The following ADAMTS2 variants were observed in gnomAD, a reference collection of about 807,000 sequenced individuals.
ADAMTS2 encodes A disintegrin and metalloproteinase with thrombospondin motifs 2.
In ADAMTS2, 50 loss-of-function variants were observed where a neutral mutation model predicts 123.0. The ratio of observed to expected loss-of-function variants is 0.41; its 90% confidence interval spans 0.32 to 0.51. The LOEUF is 0.51. Among genes scored for constraint, ADAMTS2 ranks in the 20% least tolerant of loss-of-function variants. The pLI is 0.35. For missense variants in ADAMTS2, 1,494 were observed against 1,705.2 expected, an observed-to-expected ratio of 0.88 and a Z score of 2.18; for synonymous variants, 678 against 695.4, an observed-to-expected ratio of 0.98 and a Z score of 0.39.
Position 179,295,916 on chromosome 5 carries a change from T to C in ADAMTS2, c.535-22852A>G, listed in dbSNP as rs111916091. Reference sequence around the variant, plus strand: ...GGAGGCGTGGAGACAGGTGGGGCTGTGGAAGGAGGCTGCCATGAGGAGGGA... The same window carrying C: ...GGAGGCGTGGAGACAGGTGGGGCTGCGGAAGGAGGCTGCCATGAGGAGGGA... On this transcript the variant is annotated intron_variant, in intron 2 of 21. Coordinates refer to ENST00000251582, the MANE Select transcript of ADAMTS2 (RefSeq NM_014244.5). Among the ~76,000 whole-genome samples, 253 of 152,184 alleles carry C rather than the reference T, an allele frequency of 1.7e-3. 1 individual carries two copies. The highest frequency in any genetic ancestry group is 5.6e-3 in the African/African-American group (233 of 41,532).
At chr5:179,311,785 C>G (rs574245154) in intron 2 of ADAMTS2, among the ~76,000 whole-genome samples, 6 of 152,302 alleles carry the variant, frequency 3.9e-5, no homozygotes, top group African/African-American at 1.2e-4. Flanking sequence ...TATCACCCCC[C>G]ACTCGCCCGT....
At chr5:179,114,439 G>A in intron 21 of ADAMTS2, 115 bp from the exon 22 acceptor site, 1 of 1,051,504 alleles carries the variant, frequency 9.5e-7, no homozygotes, top group Non-Finnish European at 1.4e-6. Flanking sequence ...ACAGCACAGA[G>A]GCAAGTGAGC....
rs991971128 is a variant in ADAMTS2 at position 179,331,655 on chromosome 5, G to A, written c.534+12112C>T. Among the ~76,000 whole-genome samples the A allele has an allele frequency of 2.6e-4, 40 of 151,768 alleles. 1 individual carries two copies. Among genetic ancestry groups the A allele is most frequent in the Admixed American group, 9.2e-4 (14 of 15,260 alleles). On this transcript the variant is annotated intron_variant, in intron 2 of 21. Transcript: ENST00000251582. Reference sequence around the variant, plus strand: ...CCCAGCACCAGGACCCAGCACAACCGTCCTATGACAGTTGTCTCTGCAGCT... The same window carrying A: ...CCCAGCACCAGGACCCAGCACAACCATCCTATGACAGTTGTCTCTGCAGCT...
Position 179,317,048 on chromosome 5 carries a change from G to C in ADAMTS2, c.534+26719C>G, listed in dbSNP as rs549283191. Among the ~76,000 whole-genome samples, 1 of 152,304 alleles carries C rather than the reference G, an allele frequency of 6.6e-6. No individual in the cohort carries two copies. The highest frequency in any genetic ancestry group is 2.1e-4 in the South Asian group (1 of 4,822). On this transcript the variant is annotated intron_variant, in intron 2 of 21. Transcript: ENST00000251582. This position sits in a 1 kb window ranked among gnomAD's most constrained non-coding sequence, Gnocchi z 4.9. ...ATAGGGAAAGAACAAAAGAAGGAAAGAAAGAAATTCCAGCTAATTCTCAGC... is the reference window on the plus strand; with the variant it reads ...ATAGGGAAAGAACAAAAGAAGGAAACAAAGAAATTCCAGCTAATTCTCAGC...
intron 2 of ADAMTS2, among the ~76,000 whole-genome samples, chr5:179,283,414 A>C (rs1157475392): frequency 6.6e-6 from 1 of 152,098 alleles, no homozygotes; most frequent in Non-Finnish European, 1.5e-5. Flanking sequence ...GTTACTGGTA[A>C]GTTTCTAAAA....
At chr5:179,319,999 C>G (rs1342712919) in intron 2 of ADAMTS2, among the ~76,000 whole-genome samples, 1 of 152,362 alleles carries the variant, frequency 6.6e-6, no homozygotes, top group East Asian at 1.9e-4. Context: ...TCCTGCTGCC[C>G]AGCCTGACGG....
chr5:179,326,634 A>G, intron 2 of ADAMTS2, among the ~76,000 whole-genome samples: 1 of 152,122 alleles, frequency 6.6e-6, no homozygotes, highest in Non-Finnish European at 1.5e-5. Flanking sequence ...TTGTAGTAAC[A>G]GGCCCTTCGC....
intron 4 of ADAMTS2, among the ~76,000 whole-genome samples, chr5:179,183,173 G>A (rs2113317014): frequency 6.6e-6 from 1 of 152,282 alleles, no homozygotes; most frequent in East Asian, 1.9e-4. Flanking sequence ...CAGCTTTGAG[G>A]GTCAGACTAG....
intron 5 of ADAMTS2, among the ~76,000 whole-genome samples, chr5:179,163,776 T>C (rs1490026048): frequency 6.6e-6 from 1 of 152,232 alleles, no homozygotes; most frequent in Non-Finnish European, 1.5e-5. Context: ...CCTCGCTTTG[T>C]TCTCGGCCCA....
Position 179,132,327 on chromosome 5 carries a change from A to C in ADAMTS2, c.2210-17T>G, listed in dbSNP as rs762942673. On this transcript the variant is annotated splice_polypyrimidine_tract_variant and intron_variant, in intron 14 of 21. Transcript: ENST00000251582. The surrounding 1 kb of genome is among the most constrained non-coding windows in gnomAD (Gnocchi z 6.1). ...TGATGTAACCTTTTTTTGATGTGGA[A>C]AGACACAGAAAACTGAGAAGGGAAG... 6.2e-7 allele frequency: 1 copy of C among 1,612,864 alleles called. No homozygotes were observed. Among genetic ancestry groups the C allele is most frequent in the Non-Finnish European group, 8.5e-7 (1 of 1,179,014 alleles).
intron 4 of ADAMTS2, among the ~76,000 whole-genome samples, chr5:179,194,947 C>T (rs1259807333): frequency 1.3e-5 from 2 of 152,220 alleles, no homozygotes; most frequent in Non-Finnish European, 2.9e-5. Context: ...GCCCCACAAG[C>T]TCCAGCAGGG....
Position 179,256,308 on chromosome 5 carries a change from TA to T in ADAMTS2, c.688+16602del, listed in dbSNP as rs1288079923. Among the ~76,000 whole-genome samples, 1 of 152,020 alleles carries T rather than the reference TA, an allele frequency of 6.6e-6. No individual in the cohort carries two copies. Among genetic ancestry groups the T allele is most frequent in the African/African-American group, 2.4e-5 (1 of 41,382 alleles). ...CAGGAAAGAGGACGGGGGCTTATTA[TA>T]AGGAAAATAGTGTCAGGCCTGCCAT... is the stretch of plus-strand genomic sequence containing the variant. On this transcript the variant is annotated intron_variant, in intron 3 of 21. Coordinates refer to ENST00000251582, the MANE Select transcript of ADAMTS2 (RefSeq NM_014244.5). This position sits in a 1 kb window ranked among gnomAD's most constrained non-coding sequence, Gnocchi z 4.1.
chr5:179,246,175 C>A (rs1012140575), intron 3 of ADAMTS2, among the ~76,000 whole-genome samples: 1 of 152,182 alleles, frequency 6.6e-6, no homozygotes, highest in Admixed American at 6.5e-5. Flanking sequence ...AGACCACATT[C>A]CTGGTGTAGG....
rs1218234399 is a variant in ADAMTS2, at chr5:179,234,872, C to A, written c.689-27157G>T. 6.6e-6 allele frequency among the ~76,000 whole-genome samples: 1 copy of A among 152,184 alleles called. No individual in the cohort carries two copies. The highest frequency in any genetic ancestry group is 2.4e-5 in the African/African-American group (1 of 41,438). On this transcript the variant is annotated intron_variant, in intron 3 of 21. Coordinates refer to ENST00000251582, the MANE Select transcript of ADAMTS2 (RefSeq NM_014244.5). This position sits in a 1 kb window ranked among gnomAD's most constrained non-coding sequence, Gnocchi z 4.7. ...CTTGCCCCCATTAAAATCCTCTGTA[C>A]CTCCCTCTTCCCAAGCCTAGCAGAC...
chr5:179,230,168 G>A (rs4701082), intron 3 of ADAMTS2, among the ~76,000 whole-genome samples: 90,561 of 152,108 alleles, frequency 0.6, 27,668 homozygotes, highest in African/African-American at 0.72. Context: ...TGGTCCCGGC[G>A]GGAGGAGGGC....
chr5:179,208,486 T>A (rs1323132623), intron 3 of ADAMTS2, among the ~76,000 whole-genome samples: 2 of 152,188 alleles, frequency 1.3e-5, no homozygotes, highest in East Asian at 3.9e-4. Context: ...GGGCAGGCAC[T>A]GACCTCCTGC....
intron 5 of ADAMTS2, among the ~76,000 whole-genome samples, chr5:179,168,376 C>T (rs546887241): frequency 3.9e-5 from 6 of 152,302 alleles, no homozygotes; most frequent in African/African-American, 1.2e-4. Flanking sequence ...ATCACAGAGT[C>T]CAGCCCCTCC....
intron 4 of ADAMTS2, among the ~76,000 whole-genome samples, chr5:179,193,435 G>T (rs1343197730): frequency 6.6e-6 from 1 of 152,176 alleles, no homozygotes; most frequent in Non-Finnish European, 1.5e-5. Flanking sequence ...ACATAAGTGG[G>T]CATGGGAGTC....
intron 5 of ADAMTS2, 141 bp from the exon 6 acceptor site, chr5:179,159,020 C>T: frequency 8.9e-7 from 1 of 1,123,890 alleles, no homozygotes; most frequent in Non-Finnish European, 1.3e-6. Flanking sequence ...CGGTCACTCT[C>T]AGGACCTGCT....
Sources: gnomAD v4.1 joint callset for allele counts (sites outside exome capture counted in the v4.1 genomes callset) on GRCh38, gnomAD v4.1.1 for gene constraint, Gnocchi (gnomAD v3.1) non-coding constraint, MANE v1.5 for transcripts, NCBI Gene and HGNC (gene_info 2026-07-23, HGNC 2026-07-21) for gene names.